Variants in SLC8A1 observed in about 807,000 individuals in gnomAD.
SLC8A1 encodes solute carrier family 8 member A1.
SLC8A1 carries 18 observed loss-of-function variants against 68.3 expected under a neutral mutation model. The ratio of observed to expected loss-of-function variants is 0.26; its 90% confidence interval spans 0.18 to 0.39. SLC8A1 has a LOEUF of 0.39. SLC8A1 is among the 10% of genes least tolerant of loss of function. SLC8A1 has a pLI of 1.00. For missense variants in SLC8A1, 985 were observed against 1,156.7 expected (o/e 0.85, Z 2.15); for synonymous variants, 475 against 415.5 (o/e 1.14, Z -1.74).
chr2:40,290,481 C>T (rs183404326), intron 2 of SLC8A1, among the ~76,000 whole-genome samples: 63 of 152,208 alleles, frequency 4.1e-4, no homozygotes, highest in Non-Finnish European at 1.0e-4. Flanking sequence ...AAGAAAAAGA[C>T]GGCAGCAGAG....
chr2:40,454,860 A>C (rs1702909584), upstream of SLC8A1, among the ~76,000 whole-genome samples: 1 of 152,222 alleles, frequency 6.6e-6, no homozygotes, highest in East Asian at 1.9e-4. Context: ...AGGCTGAGGA[A>C]GACTATGGCT....
chr2:40,252,902 T>TATATGTGTATATATACATAC (rs2149040300), intron 2 of SLC8A1, among the ~76,000 whole-genome samples: 1 of 39,542 alleles, frequency 2.5e-5, no homozygotes, highest in Non-Finnish European at 1.3e-4. Context: ...ATTTTATATG[T>TATATGTGTATATATACATAC]ATGTATATGT....
In SLC8A1 at chr2:40,122,189, C is replaced by G. The variant is rs368967501; in HGVS notation, c.2438-6560G>C. Among the ~76,000 whole-genome samples the G allele has an allele frequency of 2.8e-4, 42 of 149,288 alleles. No individual in the cohort carries two copies. In the East Asian group the frequency reaches 8.4e-3, roughly 30 times the overall value. Reference sequence around the variant, plus strand: ...ATAGAAAACCTCTCTTTCTCTCTCACAAGTGCATGCGCGCGCGCACACACA... The same window carrying G: ...ATAGAAAACCTCTCTTTCTCTCTCAGAAGTGCATGCGCGCGCGCACACACA... On this transcript the variant is annotated intron_variant, in intron 7 of 7. Transcript: ENST00000406785.
intron 2 of SLC8A1, among the ~76,000 whole-genome samples, chr2:40,309,050 A>G (rs1032561362): frequency 6.6e-6 from 1 of 152,064 alleles, no homozygotes; most frequent in Non-Finnish European, 1.5e-5. Context: ...AACTAGTTGA[A>G]CCAATTATTT....
chr2:40,341,341 C>T (rs1261557037), intron 2 of SLC8A1, among the ~76,000 whole-genome samples: 1 of 152,114 alleles, frequency 6.6e-6, no homozygotes, highest in Non-Finnish European at 1.5e-5. Context: ...ATGGTAGTGG[C>T]TAAAAACAGC....
chr2:40,134,848 G>C (rs962776065), intron 7 of SLC8A1, among the ~76,000 whole-genome samples: 1 of 152,120 alleles, frequency 6.6e-6, no homozygotes, highest in Non-Finnish European at 1.5e-5. Flanking sequence ...TTAGTGGACA[G>C]AGTTAGAAAA....
At chr2:40,194,506 T>TGTGTGTGCGCGC (rs963279052) in intron 2 of SLC8A1, among the ~76,000 whole-genome samples, 1 of 131,824 alleles carries the variant, frequency 7.6e-6, no homozygotes, top group African/African-American at 2.7e-5. Flanking sequence ...TGTGTGTGTG[T>TGTGTGTGCGCGC]GCGCGCGCAA....
intron 1 of SLC8A1, among the ~76,000 whole-genome samples, chr2:40,501,749 C>T (rs951047184): frequency 1.3e-5 from 2 of 151,980 alleles, no homozygotes; most frequent in Admixed American, 6.6e-5. Context: ...CCCTTGCCCA[C>T]GTAGTAGGGA....
intron 2 of SLC8A1, among the ~76,000 whole-genome samples, chr2:40,207,055 A>G (rs1308556131): frequency 6.6e-6 from 1 of 152,116 alleles, no homozygotes; most frequent in African/African-American, 2.4e-5. Flanking sequence ...AATCTATTTA[A>G]TTAAGACCAA....
chr2:40,098,836 C>T (rs553750322), exon 8 of SLC8A1: 2 of 152,046 alleles, frequency 1.3e-5, no homozygotes, highest in East Asian at 3.9e-4. Context: ...GTGTTTCTTA[C>T]AATCACATTC....
At chr2:40,164,068 G>A (rs1040403597) in intron 5 of SLC8A1, among the ~76,000 whole-genome samples, 19 of 152,170 alleles carry the variant, frequency 1.2e-4, no homozygotes, top group Non-Finnish European at 2.5e-4. Flanking sequence ...CAAGAGAGGG[G>A]ATGCACATTT....
chr2:40,200,256 A>ATATATATAAATATATC (rs1558723922), intron 2 of SLC8A1, among the ~76,000 whole-genome samples: 6 of 82,732 alleles, frequency 7.3e-5, no homozygotes, highest in South Asian at 4.3e-4. Context: ...ATATATATAT[A>ATATATATAAATATATC]TATATATATA....
At chr2:40,125,169 G>A (rs1274896130) in intron 7 of SLC8A1, among the ~76,000 whole-genome samples, 1 of 152,146 alleles carries the variant, frequency 6.6e-6, no homozygotes, top group Non-Finnish European at 1.5e-5. Context: ...CTGAATTTCA[G>A]CTTTTTCCTG....
At chr2:40,194,513 G>GCGCA (rs1558697241) in intron 2 of SLC8A1, among the ~76,000 whole-genome samples, 2 of 109,140 alleles carry the variant, frequency 1.8e-5, no homozygotes, top group African/African-American at 6.9e-5. Context: ...GTGTGCGCGC[G>GCGCA]CAAAGAAAAC....
At chr2:40,174,745 A>G in intron 4 of SLC8A1, 25 bp from the exon 6 acceptor site, 1 of 1,567,658 alleles carries the variant, frequency 6.4e-7, no homozygotes, top group Non-Finnish European at 8.7e-7. Context: ...AATAAAAATG[A>G]GAAATTTTTT....
chr2:40,119,348 AT>A lies in SLC8A1; in HGVS notation c.2438-3720del, dbSNP rs2036256265. On this transcript the variant is annotated intron_variant, in intron 7 of 7. Coordinates refer to ENST00000406785, the Ensembl canonical transcript of SLC8A1. ...CAAAAGCAATGTAAAAAAAAAAAAA[AT>A]TGCAGGAACACACGCAAATCCAAAC... Among the ~76,000 whole-genome samples, 7 of 143,582 alleles carry A rather than the reference AT, an allele frequency of 4.9e-5. No homozygotes were observed. The South Asian group carries it at 1.4e-3, about 28-fold the overall frequency. The allele number at this position is 143,582 out of a possible 152,430, so 94.2% of individuals were successfully genotyped here. A position where few individuals can be genotyped will look rare whatever the true frequency, so the allele number is the denominator to read the frequency against.
rs183409542 is a variant in SLC8A1, at chr2:40,250,209, A to T, written c.1809-72354T>A. The T allele has an allele frequency of 3.3e-5, 5 of 152,326 alleles. No homozygotes were observed. In the East Asian group the frequency reaches 9.6e-4, roughly 29 times the overall value. 9.4% of individuals were successfully genotyped at this position (152,326 alleles called of 1,614,324 possible). ...AATTTGGGGGAAAGAAATTCAATAC[A>T]GGGTAAAGAGAACAGGATTTTGGAA... On this transcript the variant is annotated intron_variant, in intron 2 of 7. Coordinates refer to ENST00000406785, the Ensembl canonical transcript of SLC8A1.
intron 7 of SLC8A1, among the ~76,000 whole-genome samples, chr2:40,124,290 T>A (rs1214042815): frequency 1.3e-5 from 2 of 152,230 alleles, no homozygotes; most frequent in Non-Finnish European, 2.9e-5. Flanking sequence ...ACACCGAAGA[T>A]GCCCAAAATG....
intron 7 of SLC8A1, chr2:40,123,185 G>A (rs1394014217): frequency 2.0e-5 from 3 of 152,240 alleles, no homozygotes; most frequent in African/African-American, 7.2e-5. Context: ...ACAAGGTCTA[G>A]ATAACTGATA....
Sources: allele counts gnomAD v4.1 joint callset (sites outside exome capture counted in the v4.1 genomes callset), GRCh38; gene constraint gnomAD v4.1.1; transcripts MANE v1.5; gene names NCBI Gene and HGNC (gene_info 2026-07-23, HGNC 2026-07-21).